ZNF385D: variants seen among roughly 807,000 people sequenced by gnomAD.
The protein encoded by ZNF385D is zinc finger protein 385D, also known as zinc finger protein 659.
ZNF385D carries 15 observed loss-of-function variants against 35.8 expected under a neutral mutation model. The observed-to-expected ratio is 0.42, with a 90% confidence interval of 0.28 to 0.64. The LOEUF (loss-of-function observed/expected upper bound fraction) is 0.64. ZNF385D is among the 30% of genes least tolerant of loss of function. The pLI is 0.23. For missense variants in ZNF385D, 474 were observed against 494.6 expected (o/e 0.96, Z 0.39); for synonymous variants, 212 against 186.8 (o/e 1.13, Z -1.10).
chr3:21,612,309 A>G (rs538231189), intron 2 of ZNF385D, among the ~76,000 whole-genome samples: 1 of 151,988 alleles, frequency 6.6e-6, no homozygotes, highest in Non-Finnish European at 1.5e-5. Context: ...CGTGTTGGGC[A>G]GGGTGGTCTT....
chr3:22,009,168 C>A (rs1216024294), intron 3 of ZNF385D, among the ~76,000 whole-genome samples: 1 of 152,048 alleles, frequency 6.6e-6, no homozygotes, highest in Non-Finnish European at 1.5e-5. Context: ...TCCAGTAATC[C>A]TATTTTTAGG....
chr3:22,025,762 G>C (rs1271756180), intron 3 of ZNF385D, among the ~76,000 whole-genome samples: 1 of 152,144 alleles, frequency 6.6e-6, no homozygotes, highest in African/African-American at 2.4e-5. Flanking sequence ...AATCGCTTTA[G>C]ACCTATTCAT....
intron 2 of ZNF385D, among the ~76,000 whole-genome samples, chr3:21,573,874 A>C (rs1354267109): frequency 6.6e-6 from 1 of 151,788 alleles, no homozygotes; most frequent in Non-Finnish European, 1.5e-5. Context: ...AGCCTGGCCA[A>C]CATGGTGAAA....
chr3:21,981,102 T>A (rs1349429932), intron 3 of ZNF385D, among the ~76,000 whole-genome samples: 1 of 152,152 alleles, frequency 6.6e-6, no homozygotes, highest in South Asian at 2.1e-4. Flanking sequence ...ACTGCTGGGT[T>A]GAATGATAGT....
At chr3:21,748,637 T>A (rs1410797058) in intron 1 of ZNF385D, among the ~76,000 whole-genome samples, 2 of 152,170 alleles carry the variant, frequency 1.3e-5, no homozygotes, top group African/African-American at 4.8e-5. Context: ...TTGTCCCTGT[T>A]CTCCCTGACT....
chr3:21,958,945 T>A (rs1186467992), intron 3 of ZNF385D: 1 of 152,192 alleles, frequency 6.6e-6, no homozygotes, highest in African/African-American at 2.4e-5. Context: ...TAAACCCTAA[T>A]GTTCTTTCTT....
chr3:21,800,834 C>T (rs964032986), intron 3 of ZNF385D, among the ~76,000 whole-genome samples: 1 of 151,992 alleles, frequency 6.6e-6, no homozygotes, highest in Non-Finnish European at 1.5e-5. Context: ...CATAGTTTCG[C>T]TTCTTTTTCA....
At chr3:22,075,013 T>G (rs757806421) in intron 3 of ZNF385D, among the ~76,000 whole-genome samples, 4 of 151,958 alleles carry the variant, frequency 2.6e-5, no homozygotes, top group Non-Finnish European at 5.9e-5. Flanking sequence ...GTTAGTTCAA[T>G]AGCCCTCAAT....
At chr3:22,024,843 G>T (rs562979560) in intron 3 of ZNF385D, among the ~76,000 whole-genome samples, 14 of 152,154 alleles carry the variant, frequency 9.2e-5, no homozygotes, top group African/African-American at 2.9e-4. Flanking sequence ...ATGACCTCAG[G>T]GATTCTGTCT....
At chr3:21,889,812 G>A (rs1463305896) in intron 3 of ZNF385D, among the ~76,000 whole-genome samples, 2 of 152,144 alleles carry the variant, frequency 1.3e-5, no homozygotes, top group Non-Finnish European at 2.9e-5. Flanking sequence ...AGAAGTTTGT[G>A]ATCAAGTGTC....
At chr3:21,436,006 G>A (rs774919064) in intron 5 of ZNF385D, among the ~76,000 whole-genome samples, 2 of 152,102 alleles carry the variant, frequency 1.3e-5, no homozygotes, top group African/African-American at 2.4e-5. Context: ...ATTAACTCAG[G>A]GTATGATTCA....
intron 3 of ZNF385D, among the ~76,000 whole-genome samples, chr3:21,901,521 C>A (rs1176376796): frequency 1.3e-5 from 2 of 152,156 alleles, no homozygotes; most frequent in Non-Finnish European, 2.9e-5. Context: ...GGTTGGTGTG[C>A]ATTGCATGCA....
In ZNF385D at chr3:21,627,284, T is replaced by TGTGA. The variant is rs1553626127; in HGVS notation, c.165+37598_165+37601dup. ...GTGTGTGTGTGTGTGTGTGTGTGTG[T>TGTGA]GTGAATTACTACTGGTTTGTGAAGG... On this transcript the variant is annotated intron_variant, in intron 2 of 7. Transcript: ENST00000281523. Among the ~76,000 whole-genome samples the TGTGA allele has an allele frequency of 4.8e-3, 718 of 149,904 alleles. 5 individuals are homozygous for TGTGA. Among genetic ancestry groups the TGTGA allele is most frequent in the African/African-American group, 0.017 (677 of 40,968 alleles).
chr3:22,122,252 C>G (rs1032049764), intron 3 of ZNF385D, among the ~76,000 whole-genome samples: 1 of 152,112 alleles, frequency 6.6e-6, no homozygotes, highest in African/African-American at 2.4e-5. Flanking sequence ...CTAATTGAAG[C>G]TTGCAAGTGA....
chr3:22,059,367 G>C (rs1221911374), intron 3 of ZNF385D, among the ~76,000 whole-genome samples: 6 of 152,168 alleles, frequency 3.9e-5, no homozygotes, highest in African/African-American at 1.2e-4. Context: ...GTGAGTCTAT[G>C]TTGCAGCCAG....
intron 2 of ZNF385D, among the ~76,000 whole-genome samples, chr3:22,289,466 TTTA>T (rs1702187835): frequency 6.6e-6 from 1 of 152,168 alleles, no homozygotes; most frequent in South Asian, 2.1e-4. Context: ...CTTCCAAAGG[TTTA>T]TTGTTTCTCT....
rs1446318313 is a variant in ZNF385D, at chr3:21,984,523, A to C, written c.325+184294T>G. Among the ~76,000 whole-genome samples, 235 of 127,968 alleles carry C rather than the reference A, an allele frequency of 1.8e-3. 5 individuals are homozygous for C. Among genetic ancestry groups the C allele is most frequent in the South Asian group, 0.012 (38 of 3,294 alleles). The allele number at this position is 127,968 out of a possible 152,430, so 84.0% of individuals were successfully genotyped here. On this transcript the variant is annotated intron_variant, in intron 3 of 5. Coordinates refer to the ZNF385D transcript ENST00000494108. ...GGGCTCTGTTCTGTTCCATTGATCT[A>C]TATCTCTGTTTTGGTACCAGTACCA...
intron 3 of ZNF385D, among the ~76,000 whole-genome samples, chr3:21,905,205 C>CAAAAAAAAAAAAAAA (rs63147760): frequency 1.0e-4 from 7 of 69,706 alleles, no homozygotes; most frequent in Admixed American, 1.7e-4. Context: ...ACAAAAAATC[C>CAAAAAAAAAAAAAAA]AAAAAAAAAA....
At chr3:21,669,932 C>T (rs988809591) in intron 1 of ZNF385D, among the ~76,000 whole-genome samples, 21 of 152,088 alleles carry the variant, frequency 1.4e-4, no homozygotes, top group Admixed American at 7.2e-4. Context: ...CATAATACAA[C>T]GCTTTTAACC....
Sources: allele counts gnomAD v4.1 joint callset (sites outside exome capture counted in the v4.1 genomes callset), GRCh38; gene constraint gnomAD v4.1.1; transcripts MANE v1.5; gene names NCBI Gene and HGNC (gene_info 2026-07-23, HGNC 2026-07-21).